Variants in GRID2 observed in about 807,000 individuals in gnomAD.
GRID2 encodes glutamate receptor ionotropic, delta-2.
GRID2 carries 33 observed loss-of-function variants against 114.8 expected under a neutral mutation model. The observed-to-expected ratio is 0.29, with a 90% CI of 0.22 to 0.38. GRID2 has a LOEUF of 0.38. Among genes scored for constraint, GRID2 ranks in the 10% least tolerant of loss-of-function variants. The pLI is 1.00. For synonymous variants in GRID2, 505 were observed against 449.9 expected, an observed-to-expected ratio of 1.12 and a Z score of -1.55; for missense variants, 1,184 against 1,257.7, an observed-to-expected ratio of 0.94 and a Z score of 0.89.
intron 2 of GRID2, among the ~76,000 whole-genome samples, chr4:92,914,217 G>A (rs1748613657): frequency 6.6e-6 from 1 of 151,980 alleles, no homozygotes; most frequent in Admixed American, 6.6e-5. Context: ...TTTCCCCAAT[G>A]TTAAACAGTC....
At chr4:93,569,698 C>G (rs1447524346) in intron 13 of GRID2, among the ~76,000 whole-genome samples, 1 of 152,166 alleles carries the variant, frequency 6.6e-6, no homozygotes, top group Non-Finnish European at 1.5e-5. Context: ...CTAACAAATC[C>G]TAGCTTTGCC....
intron 2 of GRID2, among the ~76,000 whole-genome samples, chr4:92,706,647 A>G (rs998215597): frequency 6.6e-6 from 1 of 152,160 alleles, no homozygotes; most frequent in African/African-American, 2.4e-5. Context: ...GAATACATGC[A>G]AAATAAAGAA....
At chr4:92,427,052 A>G (rs1188719119) in intron 1 of GRID2, among the ~76,000 whole-genome samples, 2 of 152,146 alleles carry the variant, frequency 1.3e-5, no homozygotes, top group Admixed American at 6.5e-5. Flanking sequence ...ATCACATTGA[A>G]TTATTAAATA....
At position 93,646,875 on chromosome 4, in the gene GRID2, G is replaced by A. The variant is rs563113006; in HGVS notation, c.2360+20440G>A. On this transcript the variant is annotated intron_variant, in intron 14 of 15. Coordinates refer to ENST00000282020, the MANE Select transcript of GRID2 (RefSeq NM_001510.4). ...TTATTTTCTGAACAAATAAATGGAT[G>A]ATGGTATCATTAACTGAACTGGTCA... Among the ~76,000 whole-genome samples the A allele has an allele frequency of 5.9e-5, 9 of 152,274 alleles. No individual in the cohort carries two copies. In the South Asian group the frequency reaches 1.9e-3, roughly 32 times the overall value.
intron 2 of GRID2, among the ~76,000 whole-genome samples, chr4:92,773,030 A>G (rs1738616741): frequency 6.6e-6 from 1 of 152,280 alleles, no homozygotes; most frequent in African/African-American, 2.4e-5. Context: ...GGAAATTTGT[A>G]TTATCTGCCA....
At chr4:92,346,117 C>T (rs1263584725) in intron 1 of GRID2, among the ~76,000 whole-genome samples, 1 of 152,150 alleles carries the variant, frequency 6.6e-6, no homozygotes, top group Non-Finnish European at 1.5e-5. Flanking sequence ...TAAGCCATGT[C>T]AGCTCCTCAC....
At chr4:93,780,212 G>A (rs904120188) in intron 1 of GRID2, among the ~76,000 whole-genome samples, 6 of 152,196 alleles carry the variant, frequency 3.9e-5, no homozygotes, top group Admixed American at 3.3e-4. Flanking sequence ...GTCAAAGGAC[G>A]CCTGACTGAT....
chr4:93,225,240 C>A lies in GRID2; in HGVS notation c.1125+465C>A, dbSNP rs148884926. Among the ~76,000 whole-genome samples the A allele has an allele frequency of 6.9e-3, 1,058 of 152,264 alleles. 50 individuals are homozygous for A. The highest frequency in any genetic ancestry group is 0.053 in the Admixed American group (804 of 15,284). ...TTCATAAGTAGATAATATGTTGCAG[C>A]ATTTGTGAACTATTTGGGGTAACTG... On this transcript the variant is annotated intron_variant, in intron 7 of 15. Coordinates refer to ENST00000282020, the MANE Select transcript of GRID2 (RefSeq NM_001510.4).
intron 2 of GRID2, among the ~76,000 whole-genome samples, chr4:92,618,462 A>AT (rs1730112286): frequency 6.6e-6 from 1 of 151,516 alleles, no homozygotes; most frequent in African/African-American, 2.4e-5. Context: ...AGCTTTGTTC[A>AT]TTTTGCTTAA....
At chr4:93,282,661 C>A (rs1479896658) in intron 8 of GRID2, among the ~76,000 whole-genome samples, 1 of 151,944 alleles carries the variant, frequency 6.6e-6, no homozygotes, top group African/African-American at 2.4e-5. Flanking sequence ...AACACATGAG[C>A]TTTTGGGGAC....
At chr4:93,447,359 A>C (rs984162651) in intron 10 of GRID2, among the ~76,000 whole-genome samples, 1 of 152,014 alleles carries the variant, frequency 6.6e-6, no homozygotes, top group Admixed American at 6.6e-5. Flanking sequence ...TAGAATTCAT[A>C]AATCAATAGG....
chr4:93,329,053 A>G (rs563173149), intron 8 of GRID2, among the ~76,000 whole-genome samples: 1 of 152,294 alleles, frequency 6.6e-6, no homozygotes, highest in East Asian at 1.9e-4. Context: ...ATGAATTAAA[A>G]ATTGGAAAGA....
At chr4:92,808,202 A>G (rs1441941789) in intron 2 of GRID2, among the ~76,000 whole-genome samples, 1 of 152,018 alleles carries the variant, frequency 6.6e-6, no homozygotes. Context: ...AAGCCTCCAG[A>G]AGGAACACAC....
chr4:92,955,761 A>G (rs911353724), intron 2 of GRID2, among the ~76,000 whole-genome samples: 1 of 151,596 alleles, frequency 6.6e-6, no homozygotes, highest in African/African-American at 2.4e-5. Context: ...TCTAACGTTT[A>G]AGTCTTTAAT....
intron 2 of GRID2, among the ~76,000 whole-genome samples, chr4:92,642,014 T>C (rs543785360): frequency 6.6e-6 from 1 of 151,574 alleles, no homozygotes; most frequent in Admixed American, 6.6e-5. Context: ...TACCACATTT[T>C]CTTTATCCAA....
At chr4:92,646,966 T>A (rs1731671531) in intron 2 of GRID2, among the ~76,000 whole-genome samples, 1 of 152,208 alleles carries the variant, frequency 6.6e-6, no homozygotes, top group African/African-American at 2.4e-5. Context: ...TTAGACATTT[T>A]GGAAAGTATC....
chr4:93,442,245 G>A (rs1056383427), intron 10 of GRID2, among the ~76,000 whole-genome samples: 1 of 152,022 alleles, frequency 6.6e-6, no homozygotes, highest in Non-Finnish European at 1.5e-5. Flanking sequence ...TGACTGAAAT[G>A]TGTATTTGCA....
chr4:92,437,016 CA>C (rs1452950978), intron 1 of GRID2, among the ~76,000 whole-genome samples: 1 of 152,042 alleles, frequency 6.6e-6, no homozygotes, highest in Non-Finnish European at 1.5e-5. Context: ...ACAACTCAAA[CA>C]AATGTATAAA....
chr4:92,948,391 G>C (rs903427170), intron 2 of GRID2, among the ~76,000 whole-genome samples: 8 of 151,688 alleles, frequency 5.3e-5, no homozygotes, highest in Non-Finnish European at 8.9e-5. Context: ...ATTTTGTAAA[G>C]GTTATTTTTA....
Sources: allele counts gnomAD v4.1 joint callset (sites outside exome capture counted in the v4.1 genomes callset), GRCh38; gene constraint gnomAD v4.1.1; transcripts MANE v1.5; gene names NCBI Gene and HGNC (gene_info 2026-07-23, HGNC 2026-07-21).